Variants in MFSD6 observed in about 807,000 individuals in gnomAD.
The protein encoded by MFSD6 is major facilitator superfamily domain-containing protein 6.
A neutral mutation model predicts 56.3 loss-of-function variants in MFSD6; 26 were observed. The ratio of observed to expected loss-of-function variants is 0.46; its 90% CI spans 0.34 to 0.64. MFSD6 has a LOEUF of 0.64. MFSD6 is among the 30% of genes least tolerant of loss of function. The probability of loss-of-function intolerance (pLI) is 0.01; values close to 1 mark genes in which losing one functional copy is unlikely to be tolerated. For missense variants in MFSD6, 750 were observed against 986.2 expected (o/e 0.76, Z 3.21); for synonymous variants, 331 against 366.9 (o/e 0.90, Z 1.12).
Position 190,447,548 on chromosome 2 carries a change from A to G in MFSD6, c.1532+9987A>G, listed in dbSNP as rs111368116. ...CTACCTAGTGATATAAAGAAGCCAC[A>G]TTAAAAAATAAATTGCTTATATACT... On this transcript the variant is annotated intron_variant, in intron 3 of 7. Coordinates refer to ENST00000392328, the MANE Select transcript of MFSD6 (RefSeq NM_017694.4). This position sits in a 1 kb window ranked among gnomAD's most constrained non-coding sequence, Gnocchi z 4.5. 4.9e-4 allele frequency among the ~76,000 whole-genome samples: 75 copies of G among 152,388 alleles called. No individual in the cohort carries two copies. The highest frequency in any genetic ancestry group is 1.7e-3 in the African/African-American group (70 of 41,594).
At chr2:190,472,233 G>T (rs906943613) in intron 4 of MFSD6, among the ~76,000 whole-genome samples, 1 of 152,194 alleles carries the variant, frequency 6.6e-6, no homozygotes, top group Non-Finnish European at 1.5e-5. Context: ...GAACAAAGCT[G>T]GACAGAGAAT....
At chr2:190,476,425 T>A (rs1357381077) in intron 4 of MFSD6, among the ~76,000 whole-genome samples, 1 of 152,192 alleles carries the variant, frequency 6.6e-6, no homozygotes, top group Non-Finnish European at 1.5e-5. Context: ...AAAGAAGACA[T>A]TTATGCAGCC....
Position 190,469,838 on chromosome 2 carries a change from C to A in MFSD6, c.1613C>A (p.Pro538His). The A allele has an allele frequency of 6.2e-7, 1 of 1,604,566 alleles. No homozygotes were observed. Among genetic ancestry groups the A allele is most frequent in the Non-Finnish European group, 8.5e-7 (1 of 1,173,966 alleles). The change falls in exon 4 of 8, where the codon CCC becomes CAC. Residue 538 changes from proline to histidine, a missense_variant. Transcript: ENST00000392328. The surrounding 1 kb of genome is among the most constrained non-coding windows in gnomAD (Gnocchi z 5.3). ...SYLENAWTVLPMEVLQGVTHA... is the reference protein window; with the variant it reads ...SYLENAWTVLHMEVLQGVTHA... ...CTGGAGAATGCCTGGACTGTTCTCC[C>A]CATGGAAGTTCTTCAAGGTAAGTTA...
In MFSD6 at chr2:190,500,811, C is replaced by A. The variant is rs1421137817; in HGVS notation, c.*593C>A. On this transcript the variant is annotated 3_prime_UTR_variant, in exon 8 of 8. Coordinates refer to ENST00000392328, the MANE Select transcript of MFSD6 (RefSeq NM_017694.4). The surrounding 1 kb of genome is among the most constrained non-coding windows in gnomAD (Gnocchi z 5.3). ...AAGTTTCATCAGAAACTTTACATAT[C>A]TTTAGCAAATATATTTTTATATGTG... The A allele has an allele frequency of 6.6e-6, 1 of 152,612 alleles. No homozygotes were observed. The highest frequency in any genetic ancestry group is 2.4e-5 in the African/African-American group (1 of 41,412). The allele number at this position is 152,612 out of a possible 1,614,324, so 9.5% of individuals were successfully genotyped here.
chr2:190,414,937 T>C (rs1387628446), intron 1 of MFSD6, among the ~76,000 whole-genome samples: 1 of 152,240 alleles, frequency 6.6e-6, no homozygotes, highest in Non-Finnish European at 1.5e-5. Context: ...TGTGTCCTGC[T>C]CTTTCATTTA....
At chr2:190,477,042 TG>T (rs1459821633) in intron 4 of MFSD6, 2 of 108,928 alleles carry the variant, frequency 1.8e-5, no homozygotes, top group Non-Finnish European at 3.4e-5. Context: ...CATCACACAC[TG>T]GGGACTCTTG....
intron 2 of MFSD6, among the ~76,000 whole-genome samples, chr2:190,430,692 T>C (rs989846887): frequency 1.3e-5 from 2 of 151,594 alleles, no homozygotes; most frequent in African/African-American, 4.8e-5. Context: ...GCCATTGTCA[T>C]CATGGCCCGT....
chr2:190,421,162 A>G (rs1685599082), intron 2 of MFSD6, among the ~76,000 whole-genome samples: 1 of 152,220 alleles, frequency 6.6e-6, no homozygotes, highest in South Asian at 2.1e-4. Flanking sequence ...TATGGGCATC[A>G]GTTCTTCATA....
intron 1 of MFSD6, among the ~76,000 whole-genome samples, chr2:190,408,708 T>TCCCTCCCTCCCC (rs1401977358): frequency 2.4e-4 from 30 of 126,678 alleles, no homozygotes; most frequent in African/African-American, 7.8e-4. Flanking sequence ...CCTCCCTCCC[T>TCCCTCCCTCCCC]CCCTCCCCCG....
chr2:190,465,778 AG>A lies in MFSD6; in HGVS notation c.1533-3978del, dbSNP rs1687574943. Among the ~76,000 whole-genome samples, 1 of 152,128 alleles carries A rather than the reference AG, an allele frequency of 6.6e-6. No individual in the cohort carries two copies. The highest frequency in any genetic ancestry group is 1.5e-5 in the Non-Finnish European group (1 of 68,040). ...GAGGCCGAGGCAGGTGGATCACTTT[AG>A]GTTTGGAGTTCAAGACCAGCCTGGC... On this transcript the variant is annotated intron_variant, in intron 3 of 7. Coordinates refer to ENST00000392328, the MANE Select transcript of MFSD6 (RefSeq NM_017694.4). This position sits in a 1 kb window ranked among gnomAD's most constrained non-coding sequence, Gnocchi z 4.6.
chr2:190,446,737 A>T (rs1686598847), intron 3 of MFSD6, among the ~76,000 whole-genome samples: 1 of 152,202 alleles, frequency 6.6e-6, no homozygotes, highest in African/African-American at 2.4e-5. Context: ...GGTCTGCTCA[A>T]CCCAAAACTA....
chr2:190,455,763 C>CT lies in MFSD6; in HGVS notation c.1533-13985dup, dbSNP rs796630581. ...GAGATTGCTGGAACTGATGCCCTTC[C>CT]TTTTTTTTTTGTGATTCCTGTCACA... is the stretch of plus-strand genomic sequence containing the variant. On this transcript the variant is annotated intron_variant, in intron 3 of 7. Coordinates refer to ENST00000392328, the MANE Select transcript of MFSD6 (RefSeq NM_017694.4). Among the ~76,000 whole-genome samples, 287 of 145,120 alleles carry CT rather than the reference C, an allele frequency of 2.0e-3. 1 individual carries two copies. The highest frequency in any genetic ancestry group is 0.013 in the East Asian group (62 of 4,944).
In MFSD6 at chr2:190,500,228, G is replaced by C; in HGVS notation, c.*10G>C. The C allele has an allele frequency of 6.2e-7, 1 of 1,613,912 alleles. No homozygotes were observed. Among genetic ancestry groups the C allele is most frequent in the Non-Finnish European group, 8.5e-7 (1 of 1,179,946 alleles). ...CGCGGGAGGACACTGAGGGCATCCT[G>C]CTCATCTCACACCCTGCATGGAATC... On this transcript the variant is annotated 3_prime_UTR_variant, in exon 8 of 8. Transcript: ENST00000392328. This position sits in a 1 kb window ranked among gnomAD's most constrained non-coding sequence, Gnocchi z 5.3.
rs576336837 is a variant in MFSD6, at chr2:190,496,800, C to A, written c.1892-639C>A. Among the ~76,000 whole-genome samples, 1 of 152,232 alleles carries A rather than the reference C, an allele frequency of 6.6e-6. No individual in the cohort carries two copies. The highest frequency in any genetic ancestry group is 2.4e-5 in the African/African-American group (1 of 41,542). ...ACTGGAGACCATATTCTAAGTGAAG[C>A]AACTCAAGAATGGAAAACCAAACAT... On this transcript the variant is annotated intron_variant, in intron 6 of 7. Coordinates refer to ENST00000392328, the MANE Select transcript of MFSD6 (RefSeq NM_017694.4). This position sits in a 1 kb window ranked among gnomAD's most constrained non-coding sequence, Gnocchi z 4.7.
Position 190,469,952 on chromosome 2 carries a change from G to A in MFSD6, c.1630+97G>A. The A allele has an allele frequency of 1.2e-6, 1 of 802,708 alleles. No individual in the cohort carries two copies. Among genetic ancestry groups the A allele is most frequent in the Non-Finnish European group, 2.0e-6 (1 of 493,112 alleles). 49.7% of individuals were successfully genotyped at this position (802,708 alleles called of 1,614,324 possible). ...CAGCATCTGATTCTATAAAGGAAGG[G>A]CAGGCCTACTGTTTCATGTGATTTT... is the stretch of plus-strand genomic sequence containing the variant. On this transcript the variant is annotated intron_variant, in intron 4 of 7. Transcript: ENST00000392328. The surrounding 1 kb of genome is among the most constrained non-coding windows in gnomAD (Gnocchi z 5.3).
intron 2 of MFSD6, among the ~76,000 whole-genome samples, chr2:190,427,766 T>C (rs1685828432): frequency 6.6e-6 from 1 of 152,046 alleles, no homozygotes; most frequent in Non-Finnish European, 1.5e-5. Flanking sequence ...AGTTTCACTC[T>C]TGTCACCCAG....
intron 4 of MFSD6, among the ~76,000 whole-genome samples, chr2:190,480,888 A>T (rs1475877743): frequency 2.6e-5 from 4 of 152,228 alleles, no homozygotes; most frequent in Non-Finnish European, 4.4e-5. Context: ...ATTATAAATA[A>T]ATATAAATCA....
rs544593010 is a variant in MFSD6, at chr2:190,409,543, G to T, written c.-176+1040G>T. ...GTTTTCTCACATGGAAAAGAGGATG[G>T]TTGGATATTATAGTGGCCAAAATTT... is the stretch of plus-strand genomic sequence containing the variant. On this transcript the variant is annotated intron_variant, in intron 1 of 7. Transcript: ENST00000392328. Among the ~76,000 whole-genome samples the T allele has an allele frequency of 2.0e-5, 3 of 152,294 alleles. No individual in the cohort carries two copies. In the East Asian group the frequency reaches 5.8e-4, roughly 29 times the overall value.
chr2:190,482,167 T>C (rs1018689819), intron 4 of MFSD6, among the ~76,000 whole-genome samples: 5 of 152,228 alleles, frequency 3.3e-5, no homozygotes, highest in Non-Finnish European at 7.3e-5. Context: ...GCATTGCAGA[T>C]GGCAGATTCT....
Sources: allele counts gnomAD v4.1 joint callset (sites outside exome capture counted in the v4.1 genomes callset), GRCh38; gene constraint gnomAD v4.1.1; non-coding constraint Gnocchi (gnomAD v3.1); transcripts MANE v1.5; gene names NCBI Gene and HGNC (gene_info 2026-07-23, HGNC 2026-07-21).